The following VPS8 variants were observed in gnomAD, a reference collection of about 807,000 sequenced individuals.
The protein encoded by VPS8 is vacuolar protein sorting-associated protein 8 homolog.
VPS8 carries 129 observed loss-of-function variants against 216.4 expected under a neutral mutation model. That is an observed-to-expected ratio of 0.60 (90% CI 0.52 to 0.69). VPS8 has a LOEUF of 0.69. VPS8 is among the 30% of genes least tolerant of loss of function. The pLI, the probability that VPS8 is intolerant of heterozygous loss-of-function variation, is 0.00. For synonymous variants in VPS8, 571 were observed against 565.4 expected (o/e 1.01, Z -0.14); for missense variants, 1,531 against 1,683.5 (o/e 0.91, Z 1.59).
chr3:184,894,508 G>GTATATATATATATATATATA lies in VPS8; in HGVS notation c.1782-190_1782-171dup, dbSNP rs756172890. On this transcript the variant is annotated intron_variant, in intron 22 of 47. Coordinates refer to ENST00000625842, the MANE Select transcript of VPS8 (RefSeq NM_001009921.3). ...TTTATATATATGTATATATACACAC[G>GTATATATATATATATATATA]TATATATATATATATATATATATAC... is the stretch of plus-strand genomic sequence containing the variant. Among the ~76,000 whole-genome samples, 249 of 133,076 alleles carry GTATATATATATATATATATA rather than the reference G, an allele frequency of 1.9e-3. 6 individuals are homozygous for GTATATATATATATATATATA. The highest frequency in any genetic ancestry group is 3.3e-3 in the Non-Finnish European group (206 of 62,236). The allele number at this position is 133,076 out of a possible 152,430, so 87.3% of individuals were successfully genotyped here. A position where few individuals can be genotyped will look rare whatever the true frequency, so the allele number is the denominator to read the frequency against.
intron 29 of VPS8, among the ~76,000 whole-genome samples, chr3:184,923,412 T>G (rs1346740751): frequency 6.6e-6 from 1 of 152,208 alleles, no homozygotes; most frequent in Non-Finnish European, 1.5e-5. Flanking sequence ...TCTGCCTCTT[T>G]CCATTTTCAT....
chr3:184,911,968 T>C (rs561592121), intron 25 of VPS8, among the ~76,000 whole-genome samples: 3 of 152,346 alleles, frequency 2.0e-5, no homozygotes, highest in South Asian at 2.1e-4. Flanking sequence ...CTAACTCTTA[T>C]GAAGGATTTA....
chr3:184,930,338 T>G, intron 33 of VPS8, 132 bp from the exon 34 acceptor site: 1 of 553,024 alleles, frequency 1.8e-6, no homozygotes, highest in South Asian at 3.4e-5. Context: ...GGGACAGAGT[T>G]TTCCATCAGT....
chr3:184,938,192 G>A (rs1428335424), intron 35 of VPS8, among the ~76,000 whole-genome samples: 1 of 152,152 alleles, frequency 6.6e-6, no homozygotes, highest in Non-Finnish European at 1.5e-5. Flanking sequence ...AGTTGAATGT[G>A]ATGGGAGGAG....
At chr3:184,813,380 A>G (rs1216253348) in intron 1 of VPS8, among the ~76,000 whole-genome samples, 3 of 152,170 alleles carry the variant, frequency 2.0e-5, no homozygotes, top group Non-Finnish European at 4.4e-5. Context: ...TTGGGAGACA[A>G]TTACATGTTA....
At chr3:185,003,980 T>A (rs1301689739) in intron 45 of VPS8, among the ~76,000 whole-genome samples, 1 of 149,810 alleles carries the variant, frequency 6.7e-6, no homozygotes, top group Non-Finnish European at 1.5e-5. Flanking sequence ...GCAGAGACGC[T>A]CCTCACTTCC....
At chr3:184,916,514 T>TA (rs1737624746) in intron 28 of VPS8, among the ~76,000 whole-genome samples, 1 of 152,018 alleles carries the variant, frequency 6.6e-6, no homozygotes. Context: ...TAAATTGAAT[T>TA]ATATAAATAT....
At chr3:184,844,758 A>T (rs1722815889) in intron 8 of VPS8, among the ~76,000 whole-genome samples, 1 of 152,264 alleles carries the variant, frequency 6.6e-6, no homozygotes. Context: ...AAGACATGCT[A>T]ATAAAAGATA....
chr3:184,886,165 G>C lies in VPS8; in HGVS notation c.1781+9G>C, dbSNP rs1438657571. On this transcript the variant is annotated intron_variant, in intron 22 of 47. Coordinates refer to ENST00000625842, the MANE Select transcript of VPS8 (RefSeq NM_001009921.3). ...CTTCTGCTGCAGCGAAAGTGAGTATGCGTTGCCTGTCACATTCAATTATTT... is the reference window on the plus strand; with the variant it reads ...CTTCTGCTGCAGCGAAAGTGAGTATCCGTTGCCTGTCACATTCAATTATTT... The C allele has an allele frequency of 5.0e-6, 8 of 1,604,544 alleles. No homozygotes were observed. The African/African-American group carries it at 5.3e-5, about 11-fold the overall frequency.
intron 16 of VPS8, among the ~76,000 whole-genome samples, chr3:184,863,770 C>T (rs887942141): frequency 2.0e-5 from 3 of 151,980 alleles, no homozygotes; most frequent in Non-Finnish European, 4.4e-5. Context: ...GACCATTGTG[C>T]GAACTTCCTT....
intron 8 of VPS8, among the ~76,000 whole-genome samples, chr3:184,847,791 T>C (rs1183464203): frequency 1.3e-5 from 2 of 152,236 alleles, no homozygotes; most frequent in Non-Finnish European, 2.9e-5. Context: ...CAGAATTTAA[T>C]AAATATTTGA....
At chr3:184,979,048 C>T (rs1749762538) in intron 40 of VPS8, among the ~76,000 whole-genome samples, 1 of 151,998 alleles carries the variant, frequency 6.6e-6, no homozygotes, top group African/African-American at 2.4e-5. Flanking sequence ...GCATTAATTT[C>T]ATTGTTTTTA....
chr3:184,815,865 TC>T (rs1716213964), intron 1 of VPS8: 2 of 152,010 alleles, frequency 1.3e-5, no homozygotes, highest in South Asian at 4.2e-4. Context: ...TCTATATCCT[TC>T]TTGACACCTA....
intron 37 of VPS8, among the ~76,000 whole-genome samples, chr3:184,962,845 T>C (rs1409867348): frequency 8.8e-6 from 1 of 113,528 alleles, no homozygotes; most frequent in African/African-American, 2.8e-5. Flanking sequence ...TTCTTACATT[T>C]AGGCTTTTAA....
intron 46 of VPS8, 59 bp downstream of exon 46, chr3:185,024,448 G>A (rs560669499): frequency 4.0e-6 from 6 of 1,483,412 alleles, no homozygotes; most frequent in Non-Finnish European, 4.6e-6. Flanking sequence ...ATTCTCCTAT[G>A]TGGAACAATA....
At chr3:184,886,516 CACAT>C (rs200557436) in intron 22 of VPS8, among the ~76,000 whole-genome samples, 2,808 of 150,126 alleles carry the variant, frequency 0.019, 90 homozygotes, top group African/African-American at 0.065. Context: ...TATACACACA[CACAT>C]ACACATATAC....
intron 24 of VPS8, 108 bp downstream of exon 24, chr3:184,898,762 A>G: frequency 1.1e-6 from 1 of 878,492 alleles, no homozygotes; most frequent in Non-Finnish European, 1.7e-6. Flanking sequence ...TTATTTAAAA[A>G]TTCTTATATA....
chr3:185,051,896 C>G lies in VPS8; in HGVS notation c.4158C>G (p.Leu1386=). ...GSSRLALLTE[L]SQNRSSESYR... ...TGCAGCTGGCTCTCCTCACGGAACTCTCCCAGAATCGCAGCAGCGAGAGCT... is the reference window on the plus strand; with the variant it reads ...TGCAGCTGGCTCTCCTCACGGAACTGTCCCAGAATCGCAGCAGCGAGAGCT... Residue 1386 remains leucine, a synonymous_variant, in exon 48 of 48, where the codon CTC becomes CTG. Coordinates refer to ENST00000625842, the MANE Select transcript of VPS8 (RefSeq NM_001009921.3). The G allele has an allele frequency of 6.2e-7, 1 of 1,609,432 alleles. No homozygotes were observed.
intron 45 of VPS8, among the ~76,000 whole-genome samples, chr3:185,023,516 A>G (rs866021164): frequency 6.6e-6 from 1 of 152,118 alleles, no homozygotes; most frequent in Non-Finnish European, 1.5e-5. Context: ...AAAATTAGCC[A>G]GGCATGGTGG....
Sources: allele counts gnomAD v4.1 joint callset (sites outside exome capture counted in the v4.1 genomes callset), GRCh38; gene constraint gnomAD v4.1.1; transcripts MANE v1.5; gene names NCBI Gene and HGNC (gene_info 2026-07-23, HGNC 2026-07-21).